Variants in ADGRV1 observed in about 807,000 individuals in gnomAD.
ADGRV1 encodes G-protein coupled receptor 98.
In ADGRV1, 359 loss-of-function variants were observed where a neutral mutation model predicts 596.2. That is an observed-to-expected ratio of 0.60 (90% CI 0.55 to 0.66). The LOEUF (loss-of-function observed/expected upper bound fraction) is 0.66, where lower values mean the gene tolerates loss of function less well. Ranked by LOEUF, ADGRV1 falls within the 30% of genes least tolerant of loss-of-function variation. The probability of loss-of-function intolerance (pLI) is 0.00; values close to 1 mark genes in which losing one functional copy is unlikely to be tolerated. For synonymous variants in ADGRV1, 2,681 were observed against 2,679.2 expected (o/e 1.00, Z -0.02); for missense variants, 7,274 against 7,575.6 (o/e 0.96, Z 1.48).
chr5:90,662,412 C>CTCGATCTCCTGACCTCGTGA (rs1770487865), intron 21 of ADGRV1, among the ~76,000 whole-genome samples: 1 of 151,834 alleles, frequency 6.6e-6, no homozygotes, highest in Non-Finnish European at 1.5e-5. Flanking sequence ...CCAGGATGGT[C>CTCGATCTCCTGACCTCGTGA]TCGATCTCCT....
chr5:90,817,487 C>T (rs1443194922), intron 75 of ADGRV1, among the ~76,000 whole-genome samples: 2 of 151,362 alleles, frequency 1.3e-5, no homozygotes, highest in South Asian at 2.1e-4. Flanking sequence ...AAGTCCTTGC[C>T]CATGCCTGTG....
intron 83 of ADGRV1, chr5:90,899,304 G>A (rs1227925417): frequency 6.6e-6 from 1 of 152,134 alleles, no homozygotes; most frequent in Non-Finnish European, 1.5e-5. Flanking sequence ...CTGTAATGAG[G>A]ATACACTGCT....
chr5:91,130,114 A>G (rs1019043823), intron 87 of ADGRV1, among the ~76,000 whole-genome samples: 6 of 152,138 alleles, frequency 3.9e-5, no homozygotes, highest in African/African-American at 1.2e-4. Context: ...TATGAAAAAA[A>G]TGCTCTGTAA....
chr5:90,974,131 C>A (rs1379089980), intron 84 of ADGRV1, among the ~76,000 whole-genome samples: 1 of 151,998 alleles, frequency 6.6e-6, no homozygotes, highest in Non-Finnish European at 1.5e-5. Context: ...ACCTAGGAAT[C>A]CAACTTACAA....
chr5:91,019,941 T>G (rs1180496852), intron 85 of ADGRV1, among the ~76,000 whole-genome samples: 1 of 152,024 alleles, frequency 6.6e-6, no homozygotes, highest in Non-Finnish European at 1.5e-5. Context: ...TTTCTCCCTG[T>G]ATAATTGTTT....
intron 83 of ADGRV1, among the ~76,000 whole-genome samples, chr5:90,939,124 T>C (rs1484806012): frequency 2.0e-5 from 3 of 152,206 alleles, no homozygotes; most frequent in African/African-American, 7.2e-5. Context: ...GTTCACTTCT[T>C]CCAGCTTTGA....
In ADGRV1 at chr5:90,696,927, G is replaced by A. The variant is rs1304683691; in HGVS notation, c.7946-10G>A. On this transcript the variant is annotated splice_polypyrimidine_tract_variant and intron_variant, in intron 33 of 89. Coordinates refer to ENST00000405460, the MANE Select transcript of ADGRV1 (RefSeq NM_032119.4). Reference sequence around the variant, plus strand: ...TTACTTTGGTTTTTATTCCATTGATGTTTTTATAGGTGAAACCAAAAAGAC... The same window carrying A: ...TTACTTTGGTTTTTATTCCATTGATATTTTTATAGGTGAAACCAAAAAGAC... 1 of 1,599,466 alleles carries A rather than the reference G, an allele frequency of 6.3e-7. No individual in the cohort carries two copies. Among genetic ancestry groups the A allele is most frequent in the East Asian group, 2.2e-5 (1 of 44,640 alleles).
intron 83 of ADGRV1, among the ~76,000 whole-genome samples, chr5:90,881,938 G>A (rs529986534): frequency 2.0e-5 from 3 of 152,188 alleles, no homozygotes; most frequent in African/African-American, 7.2e-5. Flanking sequence ...CCACCTCCTG[G>A]ATTCAAGCAA....
At chr5:90,864,500 G>A (rs1012700780) in intron 83 of ADGRV1, among the ~76,000 whole-genome samples, 2 of 152,256 alleles carry the variant, frequency 1.3e-5, no homozygotes, top group African/African-American at 4.8e-5. Flanking sequence ...AGTGTGATGT[G>A]TGAACATAGA....
At chr5:90,847,235 A>G (rs1765978289) in intron 78 of ADGRV1, among the ~76,000 whole-genome samples, 1 of 150,438 alleles carries the variant, frequency 6.6e-6, no homozygotes, top group South Asian at 2.1e-4. Flanking sequence ...TGTATTTACA[A>G]TCCCTTAGCT....
chr5:90,696,282 T>G (rs1201871310), intron 33 of ADGRV1, among the ~76,000 whole-genome samples: 1 of 152,134 alleles, frequency 6.6e-6, no homozygotes, highest in East Asian at 1.9e-4. Flanking sequence ...CAAAGTAGAT[T>G]GCTTGGACTT....
intron 34 of ADGRV1, among the ~76,000 whole-genome samples, chr5:90,699,070 A>G (rs561850623): frequency 3.3e-5 from 5 of 152,280 alleles, no homozygotes; most frequent in Admixed American, 1.3e-4. Context: ...GGCTTTCAGG[A>G]GGCTGCCTGT....
At chr5:90,731,797 A>G (rs763019505) in intron 50 of ADGRV1, among the ~76,000 whole-genome samples, 13 of 152,204 alleles carry the variant, frequency 8.5e-5, no homozygotes, top group Admixed American at 3.3e-4. Context: ...TTTATTGTGT[A>G]AGAGATTAAA....
At chr5:90,815,926 C>T (rs1762848668) in intron 75 of ADGRV1, among the ~76,000 whole-genome samples, 190 bp downstream of exon 75, 1 of 152,048 alleles carries the variant, frequency 6.6e-6, no homozygotes, top group South Asian at 2.1e-4. Context: ...TTAGGGTTAC[C>T]TTGAGTGTTT....
intron 76 of ADGRV1, among the ~76,000 whole-genome samples, chr5:90,826,288 G>C (rs1764068415): frequency 6.6e-6 from 1 of 152,120 alleles, no homozygotes; most frequent in South Asian, 2.1e-4. Flanking sequence ...GGAGGTCCTA[G>C]TAGAGCCACC....
rs1435312046 is a variant in ADGRV1, at chr5:90,620,245, C to T, written c.453+1064C>T. ...GTGTAAAAGTGTTCCTATTTCTCCA[C>T]ATCCTCTCCAGCACCTGTTGTTTCT... On this transcript the variant is annotated intron_variant, in intron 4 of 89. Coordinates refer to ENST00000405460, the MANE Select transcript of ADGRV1 (RefSeq NM_032119.4). Among the ~76,000 whole-genome samples, 663 of 152,038 alleles carry T rather than the reference C, an allele frequency of 4.4e-3. 3 individuals are homozygous for T. The highest frequency in any genetic ancestry group is 0.015 in the African/African-American group (633 of 41,318).
chr5:90,625,249 C>T lies in ADGRV1; in HGVS notation c.672+6C>T, dbSNP rs767405355. 6.4e-7 allele frequency: 1 copy of T among 1,563,348 alleles called. No homozygotes were observed. The highest frequency in any genetic ancestry group is 1.1e-5 in the South Asian group (1 of 89,258). Reference sequence around the variant, plus strand: ...TGACAGTACTCGATGACGAGGTTGGCTAATGTTACATACCCAAATGGGACA... The same window carrying T: ...TGACAGTACTCGATGACGAGGTTGGTTAATGTTACATACCCAAATGGGACA... On this transcript the variant is annotated splice_donor_region_variant and intron_variant, in intron 6 of 89. Coordinates refer to ENST00000405460, the MANE Select transcript of ADGRV1 (RefSeq NM_032119.4).
intron 50 of ADGRV1, among the ~76,000 whole-genome samples, chr5:90,737,652 A>G (rs1753420187): frequency 6.6e-6 from 1 of 152,068 alleles, no homozygotes; most frequent in African/African-American, 2.4e-5. Flanking sequence ...TGTCTTCTTG[A>G]TGAATTTACC....
At chr5:90,904,843 A>G (rs1344596161) in intron 83 of ADGRV1, among the ~76,000 whole-genome samples, 1 of 151,842 alleles carries the variant, frequency 6.6e-6, no homozygotes, top group Non-Finnish European at 1.5e-5. Context: ...CCCCAATGTT[A>G]TCTTGTCAGA....
Sources: allele counts gnomAD v4.1 joint callset (sites outside exome capture counted in the v4.1 genomes callset), GRCh38; gene constraint gnomAD v4.1.1; transcripts MANE v1.5; gene names NCBI Gene and HGNC (gene_info 2026-07-23, HGNC 2026-07-21).